UNC5D: variants seen among roughly 807,000 people sequenced by gnomAD.
UNC5D encodes the protein netrin receptor UNC5D.
A neutral mutation model predicts 105.4 loss-of-function variants in UNC5D; 39 were observed. That is an observed-to-expected ratio of 0.37 (90% CI 0.29 to 0.48). The LOEUF is 0.48. UNC5D is among the 20% of genes least tolerant of loss of function. The pLI is 0.98. For missense variants in UNC5D, 991 were observed against 1,202.4 expected (o/e 0.82, Z 2.60); for synonymous variants, 452 against 450.4 (o/e 1.00, Z -0.04).
chr8:35,682,214 C>T (rs750437759), intron 4 of UNC5D, among the ~76,000 whole-genome samples: 1 of 152,202 alleles, frequency 6.6e-6, no homozygotes, highest in Non-Finnish European at 1.5e-5. Context: ...CTGCCCGCCT[C>T]GGCCTCTCAA....
At chr8:35,543,752 T>C (rs1056559508) in intron 1 of UNC5D, among the ~76,000 whole-genome samples, 6 of 152,162 alleles carry the variant, frequency 3.9e-5, no homozygotes, top group Non-Finnish European at 7.4e-5. Flanking sequence ...TCTCAGGGCC[T>C]TCTCTGGGAG....
Position 35,512,019 on chromosome 8 carries a change from T to C in UNC5D, c.104-37273T>C, listed in dbSNP as rs111409384. Among the ~76,000 whole-genome samples, 473 of 152,148 alleles carry C rather than the reference T, an allele frequency of 3.1e-3. 3 individuals carry two copies. The highest frequency in any genetic ancestry group is 0.011 in the African/African-American group (454 of 41,504). ...GTGATATGTTAGTAGGATTCAAAAA[T>C]TGAAATGATGTTGAGATATTTAAAT... On this transcript the variant is annotated intron_variant, in intron 1 of 16. Transcript: ENST00000404895.
chr8:35,314,970 G>T (rs1809179988), intron 1 of UNC5D, among the ~76,000 whole-genome samples: 1 of 152,124 alleles, frequency 6.6e-6, no homozygotes, highest in Non-Finnish European at 1.5e-5. Flanking sequence ...AGAATTAGGA[G>T]TTTATCAGGT....
chr8:35,279,565 A>G (rs1806004105), intron 1 of UNC5D, among the ~76,000 whole-genome samples: 2 of 152,240 alleles, frequency 1.3e-5, no homozygotes, highest in South Asian at 4.1e-4. Flanking sequence ...CACAGATTCC[A>G]AATGTAAAAT....
chr8:35,253,297 T>G (rs1242514657), intron 1 of UNC5D, among the ~76,000 whole-genome samples: 1 of 152,062 alleles, frequency 6.6e-6, no homozygotes, highest in African/African-American at 2.4e-5. Context: ...TTTAATTATC[T>G]TATGTTTAGC....
chr8:35,580,532 C>G (rs891417237), intron 3 of UNC5D, among the ~76,000 whole-genome samples: 6 of 150,898 alleles, frequency 4.0e-5, no homozygotes, highest in African/African-American at 1.5e-4. Flanking sequence ...AGAAGAATCC[C>G]ATGAATAAGA....
At chr8:35,311,217 A>G (rs1418110448) in intron 1 of UNC5D, among the ~76,000 whole-genome samples, 1 of 152,188 alleles carries the variant, frequency 6.6e-6, no homozygotes, top group African/African-American at 2.4e-5. Flanking sequence ...GGAAGTGGGA[A>G]TGTGTGCAGG....
intron 15 of UNC5D, among the ~76,000 whole-genome samples, chr8:35,768,986 C>G (rs1459573258): frequency 6.6e-6 from 1 of 152,086 alleles, no homozygotes; most frequent in East Asian, 1.9e-4. Flanking sequence ...AGAATTTGGC[C>G]CAGGTTGTCA....
chr8:35,759,272 A>G, intron 13 of UNC5D, 48 bp from the exon 14 acceptor site: 1 of 1,601,022 alleles, frequency 6.2e-7, no homozygotes, highest in Non-Finnish European at 8.5e-7. Flanking sequence ...ATATGTAAGT[A>G]GCAGGATATT....
At chr8:35,620,570 T>A (rs942288263) in intron 4 of UNC5D, among the ~76,000 whole-genome samples, 49 of 152,190 alleles carry the variant, frequency 3.2e-4, no homozygotes, top group African/African-American at 1.2e-3. Context: ...TGTGTGCCTG[T>A]GTGCAGTTGG....
chr8:35,363,763 TG>T (rs1406008653), intron 1 of UNC5D, among the ~76,000 whole-genome samples: 1 of 152,196 alleles, frequency 6.6e-6, no homozygotes. Flanking sequence ...ATCATATGGT[TG>T]TGCTTTAAGA....
chr8:35,501,014 C>G (rs1349649853), intron 1 of UNC5D, among the ~76,000 whole-genome samples: 3 of 152,160 alleles, frequency 2.0e-5, no homozygotes, highest in Admixed American at 2.0e-4. Flanking sequence ...CCCATGAGCT[C>G]TGTGAGGTCA....
chr8:35,275,926 G>A (rs1233980316), intron 1 of UNC5D, among the ~76,000 whole-genome samples: 2 of 152,136 alleles, frequency 1.3e-5, no homozygotes, highest in African/African-American at 4.8e-5. Flanking sequence ...AAGGGATTAG[G>A]GATGTATGGC....
chr8:35,365,304 C>A (rs1802051300), intron 1 of UNC5D, among the ~76,000 whole-genome samples: 1 of 151,930 alleles, frequency 6.6e-6, no homozygotes, highest in Non-Finnish European at 1.5e-5. Flanking sequence ...ATACAGTCTT[C>A]TATCTTCAGC....
chr8:35,484,161 C>T (rs748955867), intron 1 of UNC5D, among the ~76,000 whole-genome samples: 1 of 151,960 alleles, frequency 6.6e-6, no homozygotes, highest in Non-Finnish European at 1.5e-5. Flanking sequence ...GCTCCTTGTC[C>T]AAAGCCCATT....
intron 4 of UNC5D, among the ~76,000 whole-genome samples, chr8:35,671,443 A>G (rs188239017): frequency 5.2e-4 from 79 of 152,320 alleles, no homozygotes; most frequent in Admixed American, 4.7e-3. Flanking sequence ...CAACATGTCT[A>G]CCTTTGTATT....
At chr8:35,424,315 A>G (rs989559974) in intron 1 of UNC5D, among the ~76,000 whole-genome samples, 11 of 152,250 alleles carry the variant, frequency 7.2e-5, no homozygotes, top group African/African-American at 2.4e-4. Flanking sequence ...GATATATTTA[A>G]CATATATGCA....
At chr8:35,560,458 G>A (rs1016153150) in intron 2 of UNC5D, among the ~76,000 whole-genome samples, 2 of 152,008 alleles carry the variant, frequency 1.3e-5, no homozygotes, top group African/African-American at 4.8e-5. Flanking sequence ...TGTGTATAAG[G>A]GTATGTATGT....
chr8:35,301,368 T>C (rs920623097), intron 1 of UNC5D, among the ~76,000 whole-genome samples: 6 of 152,182 alleles, frequency 3.9e-5, no homozygotes, highest in Admixed American at 2.6e-4. Context: ...TTGGTACAAA[T>C]GTTAAGAGCT....
Sources: gnomAD v4.1 joint callset for allele counts (sites outside exome capture counted in the v4.1 genomes callset) on GRCh38, gnomAD v4.1.1 for gene constraint, MANE v1.5 for transcripts, NCBI Gene and HGNC (gene_info 2026-07-23, HGNC 2026-07-21) for gene names.